The following PHACTR2 variants were observed in gnomAD, a reference collection of about 807,000 sequenced individuals.
PHACTR2 encodes the protein phosphatase and actin regulator 2, also known as chromosome 6 open reading frame 56.
PHACTR2 carries 30 observed loss-of-function variants against 76.0 expected under a neutral mutation model. That is an observed-to-expected ratio of 0.39 (90% CI 0.30 to 0.54). The LOEUF (loss-of-function observed/expected upper bound fraction) is 0.54. Ranked by LOEUF, PHACTR2 falls within the 20% of genes least tolerant of loss-of-function variation. The pLI is 0.61. For missense variants in PHACTR2, 696 were observed against 781.1 expected (o/e 0.89, Z 1.30); for synonymous variants, 292 against 292.5 (o/e 1.00, Z 0.02).
chr6:143,568,895 C>T (rs1582677115), intron 1 of PHACTR2, among the ~76,000 whole-genome samples: 2 of 152,278 alleles, frequency 1.3e-5, no homozygotes, highest in South Asian at 2.1e-4. Context: ...AGTATTTCCA[C>T]GGAATAGTAG....
At chr6:143,575,336 T>G (rs1484014246) in intron 1 of PHACTR2, among the ~76,000 whole-genome samples, 1 of 152,244 alleles carries the variant, frequency 6.6e-6, no homozygotes, top group African/African-American at 2.4e-5. Context: ...TTTTACATAA[T>G]TTGTGTACTT....
chr6:143,551,688 G>A (rs1412202958), intron 1 of PHACTR2, among the ~76,000 whole-genome samples: 2 of 152,196 alleles, frequency 1.3e-5, no homozygotes, highest in Non-Finnish European at 2.9e-5. Flanking sequence ...TAGTATCAGA[G>A]TGTCGGTGGC....
At position 143,571,344 on chromosome 6, in the gene PHACTR2, A is replaced by T. The variant is rs573107120; in HGVS notation, c.217+34137A>T. Among the ~76,000 whole-genome samples, 13 of 152,272 alleles carry T rather than the reference A, an allele frequency of 8.5e-5. No individual in the cohort carries two copies. In the East Asian group the frequency reaches 2.3e-3, roughly 27 times the overall value. The stretch of plus-strand genomic sequence containing the variant: ...CCTCTTCTGAGCTATTTATTCATTC[A>T]GTTATTTATTTGTATTAGTGTGGTC... On this transcript the variant is annotated intron_variant, in intron 1 of 11. Transcript: ENST00000367584. The surrounding 1 kb of genome is among the most constrained non-coding windows in gnomAD (Gnocchi z 4.6).
chr6:143,560,848 CTG>C (rs1010842285), intron 1 of PHACTR2, among the ~76,000 whole-genome samples: 3 of 150,420 alleles, frequency 2.0e-5, no homozygotes, highest in Non-Finnish European at 3.0e-5. Flanking sequence ...GTGAGGAACT[CTG>C]GGGGATTGGG....
Position 143,783,109 on chromosome 6 carries a change from G to GT in PHACTR2, c.1646-109dup. 1.5e-6 allele frequency: 1 copy of GT among 648,076 alleles called. No homozygotes were observed. Among genetic ancestry groups the GT allele is most frequent in the Non-Finnish European group, 2.8e-6 (1 of 358,832 alleles). 40.1% of individuals were successfully genotyped at this position (648,076 alleles called of 1,614,324 possible). On this transcript the variant is annotated intron_variant, in intron 9 of 12. Transcript: ENST00000440869. This position sits in a 1 kb window ranked among gnomAD's most constrained non-coding sequence, Gnocchi z 5.2. ...ACAACTTTTTAACAATGTTGGTTGTGTGTTTGATCATTATTTGTTAGAGTC... is the reference window on the plus strand; with the variant it reads ...ACAACTTTTTAACAATGTTGGTTGTGTTGTTTGATCATTATTTGTTAGAGTC...
rs1776655710 is a variant in PHACTR2, at chr6:143,646,107, T to A, written c.13+37785T>A. On this transcript the variant is annotated intron_variant, in intron 1 of 11. Coordinates refer to the PHACTR2 transcript ENST00000305766. This position sits in a 1 kb window ranked among gnomAD's most constrained non-coding sequence, Gnocchi z 4.1. ...TTTTTTAATATTTTACATCAAAATGTATATTCTCCAGTCCTTAAACAGGCA... is the reference window on the plus strand; with the variant it reads ...TTTTTTAATATTTTACATCAAAATGAATATTCTCCAGTCCTTAAACAGGCA... Among the ~76,000 whole-genome samples the A allele has an allele frequency of 6.6e-6, 1 of 152,166 alleles. No homozygotes were observed. Among genetic ancestry groups the A allele is most frequent in the Admixed American group, 6.5e-5 (1 of 15,278 alleles).
intron 2 of PHACTR2, among the ~76,000 whole-genome samples, chr6:143,745,638 A>G (rs1203332651): frequency 1.3e-5 from 2 of 152,268 alleles, no homozygotes; most frequent in Non-Finnish European, 2.9e-5. Context: ...TAAAAGGTGA[A>G]GAATGAGATA....
intron 1 of PHACTR2, among the ~76,000 whole-genome samples, chr6:143,560,704 G>A (rs1277976815): frequency 1.3e-5 from 2 of 152,154 alleles, no homozygotes; most frequent in Admixed American, 6.5e-5. Flanking sequence ...ACCCAGAGGA[G>A]GTATTGGATA....
rs1321094703 is a variant in PHACTR2, at chr6:143,578,820, G to T, written c.217+41613G>T. Among the ~76,000 whole-genome samples, 2 of 152,146 alleles carry T rather than the reference G, an allele frequency of 1.3e-5. No homozygotes were observed. The highest frequency in any genetic ancestry group is 4.8e-5 in the African/African-American group (2 of 41,424). The stretch of plus-strand genomic sequence containing the variant: ...AGATGAGGGAGAAGACGATGACCAA[G>T]TGGAATAACGTATTTTCAAAAATGC... On this transcript the variant is annotated intron_variant, in intron 1 of 11. Transcript: ENST00000367584. This position sits in a 1 kb window ranked among gnomAD's most constrained non-coding sequence, Gnocchi z 4.5.
At position 143,806,501 on chromosome 6, in the gene PHACTR2, G is replaced by A. The variant is rs957819854; in HGVS notation, c.1846-556G>A. On this transcript the variant is annotated intron_variant, in intron 11 of 12. Transcript: ENST00000440869. The surrounding 1 kb of genome is among the most constrained non-coding windows in gnomAD (Gnocchi z 5.8). The stretch of plus-strand genomic sequence containing the variant: ...TGTCATGACCTGCACTTTCCTTGTG[G>A]TCATCGTGGGTGGGGGATGTTCCGT... 6.6e-6 allele frequency among the ~76,000 whole-genome samples: 1 copy of A among 152,148 alleles called. No homozygotes were observed. Among genetic ancestry groups the A allele is most frequent in the African/African-American group, 2.4e-5 (1 of 41,436 alleles).
Position 143,681,421 on chromosome 6 carries a change from C to A in PHACTR2, c.46+3212C>A, listed in dbSNP as rs141966830. On this transcript the variant is annotated intron_variant, in intron 1 of 12. Transcript: ENST00000440869. ...TCTTTGGAAAAAATGTCTTCAGATC[C>A]TTTGCCTAATTTTAGTTGGATAATT... Among the ~76,000 whole-genome samples, 6 of 151,794 alleles carry A rather than the reference C, an allele frequency of 4.0e-5. No homozygotes were observed. The South Asian group carries it at 8.3e-4, about 21-fold the overall frequency.
chr6:143,669,469 G>A lies in PHACTR2; in HGVS notation c.14-42547G>A, dbSNP rs562895707. 9.9e-5 allele frequency among the ~76,000 whole-genome samples: 15 copies of A among 152,218 alleles called. No homozygotes were observed. In the Middle Eastern group the frequency reaches 0.014, roughly 138 times the overall value. The stretch of plus-strand genomic sequence containing the variant: ...GTTGATCTGTCCAATATTGACAGTG[G>A]GGTGTTAAAGTCTCCCACTATTATT... On this transcript the variant is annotated intron_variant, in intron 1 of 11. Coordinates refer to the PHACTR2 transcript ENST00000305766.
chr6:143,605,308 A>T (rs1775857925), upstream of PHACTR2, among the ~76,000 whole-genome samples: 1 of 152,238 alleles, frequency 6.6e-6, no homozygotes, highest in Non-Finnish European at 1.5e-5. This position sits in a 1 kb window ranked among gnomAD's most constrained non-coding sequence, Gnocchi z 5.0. Context: ...CCCCATGTTT[A>T]GAAACATAAT....
chr6:143,637,989 T>C (rs950917671), intron 1 of PHACTR2, among the ~76,000 whole-genome samples: 3 of 152,294 alleles, frequency 2.0e-5, no homozygotes, highest in African/African-American at 7.2e-5. Context: ...GGGGGGATCA[T>C]CTAAGTGTCA....
intron 1 of PHACTR2, among the ~76,000 whole-genome samples, chr6:143,615,220 A>G (rs954276078): frequency 7.9e-5 from 12 of 152,188 alleles, no homozygotes; most frequent in Non-Finnish European, 1.8e-4. Flanking sequence ...ATAAACTTGA[A>G]TCTAGCCTTT....
In PHACTR2 at chr6:143,743,621, A is replaced by C. The variant is rs937323770; in HGVS notation, c.215-5364A>C. Among the ~76,000 whole-genome samples the C allele has an allele frequency of 6.6e-6, 1 of 152,158 alleles. No homozygotes were observed. The highest frequency in any genetic ancestry group is 6.6e-5 in the Admixed American group (1 of 15,260). On this transcript the variant is annotated intron_variant, in intron 2 of 12. Transcript: ENST00000440869. The surrounding 1 kb of genome is among the most constrained non-coding windows in gnomAD (Gnocchi z 5.0). ...CTTGTTAAAAGCAGACCATTTTCTGACATTCTGTTTTCTGCAACTGCTATT... is the reference window on the plus strand; with the variant it reads ...CTTGTTAAAAGCAGACCATTTTCTGCCATTCTGTTTTCTGCAACTGCTATT...
rs1776512346 is a variant in PHACTR2, at chr6:143,825,417, A to G, written c.*1728A>G. On this transcript the variant is annotated 3_prime_UTR_variant, in exon 13 of 13. Coordinates refer to ENST00000440869, the MANE Select transcript of PHACTR2 (RefSeq NM_001100164.2). This position sits in a 1 kb window ranked among gnomAD's most constrained non-coding sequence, Gnocchi z 4.1. The stretch of plus-strand genomic sequence containing the variant: ...AGCCAGGACCATGTTAGAATTAGGA[A>G]AAGTAACCAGCATTACTGCACCTCT... 1 of 152,232 alleles carries G rather than the reference A, an allele frequency of 6.6e-6. No homozygotes were observed. Among genetic ancestry groups the G allele is most frequent in the Non-Finnish European group, 1.5e-5 (1 of 68,036 alleles). The allele number at this position is 152,232 out of a possible 1,614,324, so 9.4% of individuals were successfully genotyped here. A position where few individuals can be genotyped will look rare whatever the true frequency, so the allele number is the denominator to read the frequency against.
chr6:143,650,998 AC>A (rs200376984), intron 1 of PHACTR2, among the ~76,000 whole-genome samples: 2,707 of 152,250 alleles, frequency 0.018, 39 homozygotes, highest in Non-Finnish European at 0.027. Context: ...ACCAAAAAAA[AC>A]AAACAACCCC....
intron 2 of PHACTR2, among the ~76,000 whole-genome samples, chr6:143,723,683 T>C (rs1186612584): frequency 6.6e-6 from 1 of 152,154 alleles, no homozygotes; most frequent in East Asian, 1.9e-4. Flanking sequence ...AATCAGAGTA[T>C]ACGTGGAGAT....
Sources: allele counts gnomAD v4.1 joint callset (sites outside exome capture counted in the v4.1 genomes callset), GRCh38; gene constraint gnomAD v4.1.1; non-coding constraint Gnocchi (gnomAD v3.1); transcripts MANE v1.5; gene names NCBI Gene and HGNC (gene_info 2026-07-23, HGNC 2026-07-21).